Variants in PROSER3 observed in about 807,000 individuals in gnomAD.
PROSER3 encodes the protein proline and serine-rich protein 3.
A neutral mutation model predicts 50.2 loss-of-function variants in PROSER3; 33 were observed. The observed-to-expected ratio is 0.66, with a 90% CI of 0.50 to 0.88. The LOEUF (loss-of-function observed/expected upper bound fraction) is 0.88. Ranked by LOEUF, PROSER3 falls within the 40% of genes least tolerant of loss-of-function variation. The pLI, the probability that PROSER3 is intolerant of heterozygous loss-of-function variation, is 0.00. For missense variants in PROSER3, 623 were observed against 612.7 expected, an observed-to-expected ratio of 1.02 and a Z score of -0.18; for synonymous variants, 266 against 259.3, an observed-to-expected ratio of 1.03 and a Z score of -0.25.
At chr19:35,767,117 C>T (rs1255604790) in intron 8 of PROSER3, 2 of 943,982 alleles carry the variant, frequency 2.1e-6, no homozygotes, top group Non-Finnish European at 3.0e-6. Flanking sequence ...GGGGACCCAG[C>T]CTAACCATGT....
At chr19:35,766,854 A>G in exon 8 of PROSER3, 3 of 1,551,638 alleles carry the variant, frequency 1.9e-6, no homozygotes, top group Non-Finnish European at 2.6e-6. Flanking sequence ...AGAGGATGAC[A>G]TTCTGTACCA....
chr19:35,765,644 C>T (rs1599754881), intron 7 of PROSER3, among the ~76,000 whole-genome samples: 1 of 152,100 alleles, frequency 6.6e-6, no homozygotes, highest in Non-Finnish European at 1.5e-5. Context: ...CCTATAACCT[C>T]AGCCTCCTGA....
chr19:35,765,071 A>G (rs1041436092), exon 7 of PROSER3: 12 of 1,613,522 alleles, frequency 7.4e-6, no homozygotes, highest in Admixed American at 5.0e-5. Context: ...CCTCAGCCCC[A>G]GCGATGCCAG....
chr19:35,761,261 C>T (rs1970946182), intron 3 of PROSER3, among the ~76,000 whole-genome samples: 1 of 152,176 alleles, frequency 6.6e-6, no homozygotes, highest in Non-Finnish European at 1.5e-5. Flanking sequence ...CCTGGCTGGG[C>T]ACAGTGACTC....
At chr19:35,767,990 C>G in exon 9 of PROSER3, 5 of 1,597,504 alleles carry the variant, frequency 3.1e-6, no homozygotes, top group Non-Finnish European at 4.3e-6. Flanking sequence ...CCTGGCCCCG[C>G]CCCCGCCCGC....
chr19:35,765,511 C>G (rs978754912), intron 7 of PROSER3, among the ~76,000 whole-genome samples: 3 of 151,132 alleles, frequency 2.0e-5, no homozygotes, highest in African/African-American at 7.3e-5. Context: ...ACCTGGGAGG[C>G]GGAGGTTGCA....
intron 3 of PROSER3, 60 bp downstream of exon 3, chr19:35,760,051 T>G: frequency 1.8e-5 from 25 of 1,421,048 alleles, no homozygotes; most frequent in Non-Finnish European, 2.4e-5. Flanking sequence ...GGAGAAGGCA[T>G]GCAGTAATAA....
chr19:35,760,613 G>A (rs1299078587), intron 3 of PROSER3, among the ~76,000 whole-genome samples: 1 of 151,834 alleles, frequency 6.6e-6, no homozygotes, highest in Non-Finnish European at 1.5e-5. Context: ...AGCCTCCCAA[G>A]TAGCTGGGAT....
rs75850968 is a variant in PROSER3, at chr19:35,762,394, A to T, written c.543+38A>T. 3.7e-3 allele frequency: 5,562 copies of T among 1,503,230 alleles called. 309 individuals are homozygous for T. The East Asian group carries it at 0.12, about 32-fold the overall frequency. The allele number at this position is 1,503,230 out of a possible 1,614,324, so 93.1% of individuals were successfully genotyped here. A position where few individuals can be genotyped will look rare whatever the true frequency, so the allele number is the denominator to read the frequency against. On this transcript the variant is annotated intron_variant, in intron 5 of 10. Coordinates refer to ENST00000396908, the Ensembl canonical transcript of PROSER3. Reference sequence around the variant, plus strand: ...TTCACTCCCTCCCTTGGGTGCCTGAACTGACAACACCAGCCCTAGGACAGA... The same window carrying T: ...TTCACTCCCTCCCTTGGGTGCCTGATCTGACAACACCAGCCCTAGGACAGA...
At chr19:35,770,788 A>G (rs1394329547), downstream of PROSER3, 1 of 151,036 alleles carries the variant, frequency 6.6e-6, no homozygotes, top group Admixed American at 6.6e-5. Flanking sequence ...AGGCAAGAGA[A>G]TTGCTTGAAC....
intron 5 of PROSER3, 190 bp downstream of exon 5, chr19:35,762,546 TAAAAA>T (rs3043403): frequency 9.1e-4 from 227 of 248,218 alleles, no homozygotes; most frequent in Middle Eastern, 2.2e-3. Context: ...CTGCCTCTAC[TAAAAA>T]AAAAAAAAAA....
chr19:35,767,152 G>T, intron 8 of PROSER3: 1 of 650,970 alleles, frequency 1.5e-6, no homozygotes, highest in Non-Finnish European at 2.4e-6. Context: ...GTGTGGCCCA[G>T]CCTGGTCCAC....
At chr19:35,761,500 C>T (rs562513849) in intron 3 of PROSER3, among the ~76,000 whole-genome samples, 1 of 152,002 alleles carries the variant, frequency 6.6e-6, no homozygotes, top group Non-Finnish European at 1.5e-5. Context: ...GGTGAAACTC[C>T]GTCTCTACCA....
At chr19:35,759,822 C>T in exon 3 of PROSER3, 1 of 1,569,994 alleles carries the variant, frequency 6.4e-7, no homozygotes, top group Non-Finnish European at 8.6e-7. Context: ...GAGATCCAGG[C>T]TCCCACAAGC....
At chr19:35,759,615 C>T in intron 2 of PROSER3, 145 bp downstream of exon 2, 1 of 977,270 alleles carries the variant, frequency 1.0e-6, no homozygotes, top group Non-Finnish European at 1.5e-6. Flanking sequence ...CTGCCCTTGT[C>T]CCCCTCTCTA....
At chr19:35,764,624 C>T (rs140178680) in intron 5 of PROSER3, among the ~76,000 whole-genome samples, 2 of 151,208 alleles carry the variant, frequency 1.3e-5, no homozygotes, top group East Asian at 1.9e-4. Context: ...CCATTGCACT[C>T]CAGCCTGGGC....
chr19:35,759,817 C>G, exon 3 of PROSER3: 2 of 1,568,806 alleles, frequency 1.3e-6, no homozygotes, highest in Non-Finnish European at 1.7e-6. Flanking sequence ...TCTCAGAGAT[C>G]CAGGCTCCCA....
chr19:35,761,979 C>T (rs779939124), intron 3 of PROSER3, 40 bp from the exon 4 acceptor site: 26 of 1,539,454 alleles, frequency 1.7e-5, no homozygotes, highest in Non-Finnish European at 2.2e-5. Context: ...TTATTTGGCT[C>T]TCCTCACTCC....
intron 8 of PROSER3, chr19:35,767,482 A>C (rs1599757830): frequency 3.6e-6 from 1 of 275,544 alleles, no homozygotes; most frequent in South Asian, 4.9e-5. Flanking sequence ...TCGCATCCCC[A>C]GCTGTCCCCC....
Sources: allele counts gnomAD v4.1 joint callset (sites outside exome capture counted in the v4.1 genomes callset), GRCh38; gene constraint gnomAD v4.1.1; transcripts MANE v1.5; gene names NCBI Gene and HGNC (gene_info 2026-07-23, HGNC 2026-07-21).